The following RNF19B variants were observed in gnomAD, a reference collection of about 807,000 sequenced individuals.
The protein encoded by RNF19B is ring finger protein 19B.
In RNF19B, 23 loss-of-function variants were observed where a neutral mutation model predicts 65.5. The observed-to-expected ratio is 0.35, with a 90% CI of 0.25 to 0.50. The LOEUF (loss-of-function observed/expected upper bound fraction) is 0.50, where lower values mean the gene tolerates loss of function less well. RNF19B is among the 20% of genes least tolerant of loss of function. The probability of loss-of-function intolerance (pLI) is 0.98; values close to 1 mark genes in which losing one functional copy is unlikely to be tolerated. For missense variants in RNF19B, 794 were observed against 980.0 expected, an observed-to-expected ratio of 0.81 and a Z score of 2.53; for synonymous variants, 372 against 379.6, an observed-to-expected ratio of 0.98 and a Z score of 0.23.
downstream of RNF19B, among the ~76,000 whole-genome samples, chr1:32,933,863 G>A (rs1251770328): frequency 1.3e-5 from 2 of 152,172 alleles, no homozygotes; most frequent in Admixed American, 6.5e-5. Flanking sequence ...CAGACTCAGA[G>A]TAAACTGCCC....
chr1:32,946,679 T>C (rs780719037), intron 3 of RNF19B, 115 bp from the exon 4 acceptor site: 190 of 909,700 alleles, frequency 2.1e-4, no homozygotes, highest in Non-Finnish European at 2.9e-4. Flanking sequence ...GAAGAGTTTA[T>C]GGGAAATGAA....
Position 32,964,433 on chromosome 1 carries a change from C to G in RNF19B, c.253G>C (p.Ala85Pro). 1 of 1,168,090 alleles carries G rather than the reference C, an allele frequency of 8.6e-7. No individual in the cohort carries two copies. Among genetic ancestry groups the G allele is most frequent in the Non-Finnish European group, 1.1e-6 (1 of 949,358 alleles). The allele number at this position is 1,168,090 out of a possible 1,614,324, so 72.4% of individuals were successfully genotyped here. Residue 85 changes from alanine to proline, a missense_variant, in exon 1 of 9, where the codon GCC becomes CCC. Physicochemically the swap from Ala to Pro is conservative, Grantham distance 27. Coordinates refer to ENST00000235150, the MANE Select transcript of RNF19B (RefSeq NM_001300826.2). The surrounding 1 kb of genome is among the most constrained non-coding windows in gnomAD (Gnocchi z 6.5). ...PPPEALPAEP[A>P]AEAEAEAAAA... is the part of the protein sequence containing the mutation. ...GCGGCCTCCGCCTCGGCCTCGGCGG[C>G]CGGCTCGGCGGGCAGCGCCTCGGGC... is the stretch of plus-strand genomic sequence containing the variant.
In RNF19B at chr1:32,938,600, A is replaced by G. The variant is rs143279790; in HGVS notation, c.1611-72T>C. On this transcript the variant is annotated intron_variant, in intron 7 of 8. Transcript: ENST00000235150. ...CAAGACAGTCTGCTTCCTGGCACAC[A>G]TCTCTTCCATTACTCTCTTGCAAAT... 4.4e-4 allele frequency: 654 copies of G among 1,475,454 alleles called. 2 individuals are homozygous for G. The African/African-American group carries it at 8.1e-3, about 18-fold the overall frequency. The allele number at this position is 1,475,454 out of a possible 1,614,324, so 91.4% of individuals were successfully genotyped here.
At chr1:32,933,907 A>G (rs1642058922), downstream of RNF19B, among the ~76,000 whole-genome samples, 1 of 152,196 alleles carries the variant, frequency 6.6e-6, no homozygotes, top group East Asian at 1.9e-4. Context: ...GAACCCAGAT[A>G]AGAAATATAG....
chr1:32,958,339 C>G (rs546080660), intron 1 of RNF19B, among the ~76,000 whole-genome samples: 5 of 152,156 alleles, frequency 3.3e-5, no homozygotes, highest in Admixed American at 3.3e-4. Context: ...TATTTCCTCA[C>G]AAAACATTTT....
At chr1:32,940,343 A>C (rs1037875874) in intron 7 of RNF19B, among the ~76,000 whole-genome samples, 1 of 152,126 alleles carries the variant, frequency 6.6e-6, no homozygotes, top group African/African-American at 2.4e-5. Flanking sequence ...TGGGTCCCTG[A>C]AGTCTATTTT....
At chr1:32,963,206 G>A (rs1022852417) in intron 1 of RNF19B, among the ~76,000 whole-genome samples, 1 of 152,076 alleles carries the variant, frequency 6.6e-6, no homozygotes, top group African/African-American at 2.4e-5. Flanking sequence ...CCGATAGCGT[G>A]GCACAGAACA....
chr1:32,962,894 T>G (rs775039959), intron 1 of RNF19B, among the ~76,000 whole-genome samples: 1 of 152,156 alleles, frequency 6.6e-6, no homozygotes, highest in African/African-American at 2.4e-5. Flanking sequence ...ATTAGACTTC[T>G]AAAGGCGGGG....
At position 32,936,733 on chromosome 1, in the gene RNF19B, GAAAAA is replaced by G; in HGVS notation, c.*68_*72del. The G allele has an allele frequency of 7.8e-6, 9 of 1,160,286 alleles. No individual in the cohort carries two copies. The highest frequency in any genetic ancestry group is 6.8e-5 in the South Asian group (3 of 43,888). The allele number at this position is 1,160,286 out of a possible 1,614,324, so 71.9% of individuals were successfully genotyped here. On this transcript the variant is annotated 3_prime_UTR_variant, in exon 9 of 9. Coordinates refer to ENST00000235150, the MANE Select transcript of RNF19B (RefSeq NM_001300826.2). ...AAAATACATAAATCTCTACCCCTTGGAAAAAAAAAAAAAAAAATTCCAAAAGATGC... is the reference window on the plus strand; with the variant it reads ...AAAATACATAAATCTCTACCCCTTGGAAAAAAAAAAAATTCCAAAAGATGC...
chr1:32,940,815 A>C (rs1444277127), intron 7 of RNF19B, among the ~76,000 whole-genome samples: 1 of 152,226 alleles, frequency 6.6e-6, no homozygotes, highest in African/African-American at 2.4e-5. Flanking sequence ...TAGTGAAATG[A>C]CCAAGCAAGT....
chr1:32,964,322 A>G lies in RNF19B; in HGVS notation c.364T>C (p.Cys122Arg). The G allele has an allele frequency of 6.6e-7, 1 of 1,504,166 alleles. No homozygotes were observed. Among genetic ancestry groups the G allele is most frequent in the Non-Finnish European group, 8.8e-7 (1 of 1,132,996 alleles). 93.2% of individuals were successfully genotyped at this position (1,504,166 alleles called of 1,614,324 possible). A position where few individuals can be genotyped will look rare whatever the true frequency, so the allele number is the denominator to read the frequency against. The change falls in exon 1 of 9, where the codon TGC (cysteine) becomes CGC (arginine). Residue 122 changes from cysteine to arginine, a missense_variant. Physicochemically the swap from Cys to Arg is radical, Grantham distance 180. This residue lies in a region of RNF19B where 374 missense variants were observed against 423.8 expected (regional missense o/e 0.88). Coordinates refer to ENST00000235150, the MANE Select transcript of RNF19B (RefSeq NM_001300826.2). The surrounding 1 kb of genome is among the most constrained non-coding windows in gnomAD (Gnocchi z 6.5). ...CGCTCAGGCGGCAGCCGCACCAGGC[A>G]CAGCGGACACTCCACCTCCTCCGCG... The part of the protein sequence containing the change: ...PGAEEVECPL[C>R]LVRLPPERAP...
the RNF19B span, among the ~76,000 whole-genome samples, chr1:32,930,687 C>A: frequency 6.6e-6 from 1 of 152,192 alleles, no homozygotes; most frequent in Non-Finnish European, 1.5e-5. Context: ...GGATTACAAG[C>A]ATCAGCCACA....
intron 1 of RNF19B, 80 bp downstream of exon 1, chr1:32,963,971 C>A: frequency 7.3e-7 from 1 of 1,363,946 alleles, no homozygotes; most frequent in Non-Finnish European, 9.4e-7. Flanking sequence ...GCTTGGGACA[C>A]CCACGCGGGG....
intron 7 of RNF19B, among the ~76,000 whole-genome samples, chr1:32,941,047 A>AC (rs1221668921): frequency 6.6e-6 from 1 of 152,062 alleles, no homozygotes; most frequent in Admixed American, 6.5e-5. Context: ...ACCGAGCAAG[A>AC]CCCCATCTCT....
chr1:32,937,132 C>G lies in RNF19B; in HGVS notation c.1870G>C (p.Gly624Arg). ...TCTTCACTGCCTCCGCCACCACTAC[C>G]TTCTTCTTCATTCTCTGCCATCTGA... Reference protein sequence around the residue: ...HAQMAENEEEGSGGGGSEEDP... With the variant: ...HAQMAENEEERSGGGGSEEDP... Residue 624 changes from glycine (G) to arginine (R), a missense_variant, in exon 9 of 9, where the codon GGT (glycine) becomes CGT (arginine). Coordinates refer to ENST00000235150, the MANE Select transcript of RNF19B (RefSeq NM_001300826.2). 2.5e-6 allele frequency: 4 copies of G among 1,614,176 alleles called. No individual in the cohort carries two copies. The highest frequency in any genetic ancestry group is 3.4e-6 in the Non-Finnish European group (4 of 1,180,022).
chr1:32,963,902 A>C, intron 1 of RNF19B, 149 bp downstream of exon 1: 1 of 1,276,110 alleles, frequency 7.8e-7, no homozygotes, highest in Admixed American at 4.1e-5. Context: ...TCACACCACT[A>C]GTCTGGGCTT....
Position 32,939,290 on chromosome 1 carries a change from C to T in RNF19B, c.1611-762G>A, listed in dbSNP as rs574973825. On this transcript the variant is annotated intron_variant, in intron 7 of 8. Transcript: ENST00000235150. Reference sequence around the variant, plus strand: ...GCAACTTCTGCCTCCCAGGTTCAAGCGATTCTCCTGCCTCAGCCTCCCAAG... The same window carrying T: ...GCAACTTCTGCCTCCCAGGTTCAAGTGATTCTCCTGCCTCAGCCTCCCAAG... Among the ~76,000 whole-genome samples the T allele has an allele frequency of 4.9e-4, 75 of 152,232 alleles. 1 individual carries two copies. Among genetic ancestry groups the T allele is most frequent in the Admixed American group, 3.6e-3 (55 of 15,286 alleles).
chr1:32,950,349 TG>T (rs1642464838), intron 1 of RNF19B, among the ~76,000 whole-genome samples: 1 of 152,208 alleles, frequency 6.6e-6, no homozygotes, highest in Admixed American at 6.5e-5. Context: ...TTATTTATCC[TG>T]GATTTCCAGC....
chr1:32,960,336 T>A (rs1037768536), intron 1 of RNF19B, among the ~76,000 whole-genome samples: 2 of 152,176 alleles, frequency 1.3e-5, no homozygotes, highest in African/African-American at 4.8e-5. Flanking sequence ...CCTGATCAAT[T>A]TGGCTGGCAA....
Sources: allele counts gnomAD v4.1 joint callset (sites outside exome capture counted in the v4.1 genomes callset), GRCh38; gene constraint gnomAD v4.1.1; regional missense constraint gnomAD v4.1.1; non-coding constraint Gnocchi (gnomAD v3.1); transcripts MANE v1.5; gene names NCBI Gene and HGNC (gene_info 2026-07-23, HGNC 2026-07-21).